The following ACSM2A variants were observed in gnomAD, a reference collection of about 807,000 sequenced individuals.
ACSM2A encodes the protein acyl-CoA synthetase medium chain family member 2A.
ACSM2A carries 72 observed loss-of-function variants against 76.6 expected under a neutral mutation model. That is an observed-to-expected ratio of 0.94 (90% CI 0.78 to 1.14). The LOEUF is 1.14. ACSM2A is among the 50% of genes most tolerant of loss of function. The pLI is 0.00. For missense variants in ACSM2A, 684 were observed against 708.5 expected (o/e 0.97, Z 0.39); for synonymous variants, 249 against 255.9 (o/e 0.97, Z 0.26).
At chr16:20,481,769 G>A (rs998224095) in intron 12 of ACSM2A, 1 of 140,708 alleles carries the variant, frequency 7.1e-6, no homozygotes, top group African/African-American at 2.6e-5. Flanking sequence ...TCAAGGTGAT[G>A]GACACCCCAA....
intron 3 of ACSM2A, among the ~76,000 whole-genome samples, chr16:20,468,423 C>G (rs1398741390): frequency 6.6e-6 from 1 of 152,148 alleles, no homozygotes; most frequent in East Asian, 1.9e-4. Flanking sequence ...GGCTGGAGTT[C>G]AGTGGTGCAA....
At chr16:20,463,885 T>C (rs561447751) in intron 2 of ACSM2A, among the ~76,000 whole-genome samples, 30 of 152,314 alleles carry the variant, frequency 2.0e-4, no homozygotes, top group African/African-American at 7.2e-4. Flanking sequence ...TTGTTATGTA[T>C]ATGCAACATT....
At chr16:20,476,662 G>A (rs1464575363) in intron 8 of ACSM2A, 1 of 986,924 alleles carries the variant, frequency 1.0e-6, no homozygotes, top group Non-Finnish European at 1.2e-6. Context: ...CTTCTGAGGT[G>A]GGTGGATAAA....
chr16:20,461,189 G>T (rs1476514712), intron 2 of ACSM2A, among the ~76,000 whole-genome samples: 1 of 145,228 alleles, frequency 6.9e-6, no homozygotes, highest in African/African-American at 2.6e-5. Flanking sequence ...AAAGAGTCAC[G>T]ATTATGACAT....
intron 6 of ACSM2A, among the ~76,000 whole-genome samples, chr16:20,472,754 G>A (rs1037065351): frequency 6.6e-6 from 1 of 151,914 alleles, no homozygotes; most frequent in South Asian, 2.1e-4. Flanking sequence ...TTTTGCATTT[G>A]GCTTCTTTTA....
Position 20,465,066 on chromosome 16 carries a change from G to A in ACSM2A, c.178-451G>A, listed in dbSNP as rs371071774. The stretch of plus-strand genomic sequence containing the variant: ...AGTATACAATAGCATTTTCCAGAAG[G>A]TACATGTTGGTACTCACAACAGAGT... On this transcript the variant is annotated intron_variant, in intron 2 of 13. Coordinates refer to ENST00000573854, the MANE Select transcript of ACSM2A (RefSeq NM_001308172.2). Among the ~76,000 whole-genome samples, 69 of 152,178 alleles carry A rather than the reference G, an allele frequency of 4.5e-4. 1 individual carries two copies. Among genetic ancestry groups the A allele is most frequent in the African/African-American group, 2.6e-4 (11 of 41,520 alleles).
intron 2 of ACSM2A, among the ~76,000 whole-genome samples, chr16:20,464,588 G>A (rs1343224955): frequency 6.6e-6 from 1 of 151,904 alleles, no homozygotes; most frequent in African/African-American, 2.4e-5. Context: ...TATCACCAAG[G>A]GGATGGTGCT....
chr16:20,464,499 T>C (rs2355910), intron 2 of ACSM2A, among the ~76,000 whole-genome samples: 197 of 150,896 alleles, frequency 1.3e-3, no homozygotes, highest in African/African-American at 4.8e-3. Context: ...GCAGGCACAA[T>C]AAAGGGCAAG....
intron 3 of ACSM2A, among the ~76,000 whole-genome samples, chr16:20,467,656 C>T (rs2013094317): frequency 6.6e-6 from 1 of 152,046 alleles, no homozygotes; most frequent in Admixed American, 6.6e-5. Flanking sequence ...TGCTTTCTTT[C>T]ACTGGAGTGA....
intron 9 of ACSM2A, among the ~76,000 whole-genome samples, chr16:20,478,258 C>T (rs955012980): frequency 4.6e-5 from 7 of 152,158 alleles, no homozygotes; most frequent in African/African-American, 1.4e-4. Context: ...TTTTGATCTG[C>T]CCGATTTCTA....
Position 20,486,815 on chromosome 16 carries a change from G to A in ACSM2A, c.*137G>A, listed in dbSNP as rs192192067. The A allele has an allele frequency of 9.4e-7, 1 of 1,064,250 alleles. No homozygotes were observed. Among genetic ancestry groups the A allele is most frequent in the African/African-American group, 1.6e-5 (1 of 62,974 alleles). The allele number at this position is 1,064,250 out of a possible 1,614,324, so 65.9% of individuals were successfully genotyped here. The stretch of plus-strand genomic sequence containing the variant: ...AAGTTTTGTCTTGCCTTGGTTATTA[G>A]CACAAAACTTTACCATGTTAGATGT... On this transcript the variant is annotated 3_prime_UTR_variant, in exon 14 of 14. Coordinates refer to ENST00000573854, the MANE Select transcript of ACSM2A (RefSeq NM_001308172.2).
intron 1 of ACSM2A, among the ~76,000 whole-genome samples, chr16:20,458,802 AAT>A (rs1457712646): frequency 3.5e-5 from 5 of 142,464 alleles, no homozygotes; most frequent in African/African-American, 1.3e-4. Context: ...ACATATATAT[AAT>A]ATATATATTA....
chr16:20,478,444 G>C, intron 9 of ACSM2A, 132 bp from the exon 10 acceptor site: 2 of 1,017,094 alleles, frequency 2.0e-6, no homozygotes, highest in East Asian at 2.7e-5. Flanking sequence ...GGTTCCCCTG[G>C]CTTCTGGTTG....
At chr16:20,458,801 T>A (rs1390087554) in intron 1 of ACSM2A, among the ~76,000 whole-genome samples, 13 of 142,342 alleles carry the variant, frequency 9.1e-5, no homozygotes, top group Non-Finnish European at 2.0e-4. Context: ...TACATATATA[T>A]AATATATATA....
rs143455219 is a variant in ACSM2A, at chr16:20,463,906, C to T, written c.178-1611C>T. Among the ~76,000 whole-genome samples the T allele has an allele frequency of 4.3e-4, 66 of 152,256 alleles. No individual in the cohort carries two copies. In the East Asian group the frequency reaches 0.012, roughly 27 times the overall value. ...TGTATATGCAACATTATCTATTCAT[C>T]AAACATTCAGGTCAAATCTTGAATG... is the stretch of plus-strand genomic sequence containing the variant. On this transcript the variant is annotated intron_variant, in intron 2 of 13. Coordinates refer to ENST00000573854, the MANE Select transcript of ACSM2A (RefSeq NM_001308172.2).
intron 3 of ACSM2A, among the ~76,000 whole-genome samples, chr16:20,466,245 G>T (rs929445545): frequency 6.7e-6 from 1 of 149,158 alleles, no homozygotes; most frequent in Admixed American, 6.7e-5. Flanking sequence ...TGCAGAAAAA[G>T]TTTGCCAATG....
At position 20,483,156 on chromosome 16, in the gene ACSM2A, C is replaced by T; in HGVS notation, c.1608C>T (p.Ala536=). 1 of 1,614,032 alleles carries T rather than the reference C, an allele frequency of 6.2e-7. No individual in the cohort carries two copies. Residue 536 remains alanine, a synonymous_variant, in exon 13 of 14, where the codon GCC becomes GCT. Coordinates refer to ENST00000573854, the MANE Select transcript of ACSM2A (RefSeq NM_001308172.2). ...ELQQHVKSVT[A]PYKYPRKIEF... ...AGCAGCATGTGAAGTCAGTGACAGCCCCATACAAGTACCCAAGAAAGGTAA... is the reference window on the plus strand; with the variant it reads ...AGCAGCATGTGAAGTCAGTGACAGCTCCATACAAGTACCCAAGAAAGGTAA...
chr16:20,482,743 G>C, intron 12 of ACSM2A: 1 of 213,298 alleles, frequency 4.7e-6, no homozygotes, highest in South Asian at 1.0e-4. Flanking sequence ...ACATTGTTTA[G>C]GGTTATGGTT....
intron 6 of ACSM2A, among the ~76,000 whole-genome samples, chr16:20,472,121 G>T (rs1279245901): frequency 6.6e-6 from 1 of 152,074 alleles, no homozygotes; most frequent in Non-Finnish European, 1.5e-5. Flanking sequence ...CAAACTGAAG[G>T]TAAAGTACAC....
Sources: allele counts gnomAD v4.1 joint callset (sites outside exome capture counted in the v4.1 genomes callset), GRCh38; gene constraint gnomAD v4.1.1; transcripts MANE v1.5; gene names NCBI Gene and HGNC (gene_info 2026-07-23, HGNC 2026-07-21).